CDH4: variants seen among roughly 807,000 people sequenced by gnomAD.
The protein encoded by CDH4 is cadherin-4.
A neutral mutation model predicts 86.0 loss-of-function variants in CDH4; 33 were observed. The ratio of observed to expected loss-of-function variants is 0.38; its 90% CI spans 0.29 to 0.51. The LOEUF (loss-of-function observed/expected upper bound fraction) is 0.51. CDH4 is among the 20% of genes least tolerant of loss of function. CDH4 has a pLI of 0.86. For missense variants in CDH4, 1,114 were observed against 1,307.4 expected (o/e 0.85, Z 2.28); for synonymous variants, 555 against 549.4 (o/e 1.01, Z -0.14).
chr20:61,702,867 G>T (rs1201652848), intron 2 of CDH4, among the ~76,000 whole-genome samples: 1 of 152,174 alleles, frequency 6.6e-6, no homozygotes, highest in Non-Finnish European at 1.5e-5. Flanking sequence ...ATCTACATCT[G>T]TCACCTTCCT....
chr20:61,646,161 A>G (rs1427981852), intron 2 of CDH4, among the ~76,000 whole-genome samples: 1 of 152,044 alleles, frequency 6.6e-6, no homozygotes, highest in African/African-American at 2.4e-5. Context: ...ATGCAGTGTG[A>G]TTCCCGCGGT....
intron 2 of CDH4, among the ~76,000 whole-genome samples, chr20:61,345,666 G>A (rs927313825): frequency 6.6e-6 from 1 of 152,192 alleles, no homozygotes; most frequent in Admixed American, 6.5e-5. Flanking sequence ...AACGAGGAGG[G>A]GAACAGGGGA....
At chr20:61,618,984 A>C (rs1264250277) in intron 2 of CDH4, among the ~76,000 whole-genome samples, 1 of 152,180 alleles carries the variant, frequency 6.6e-6, no homozygotes, top group Non-Finnish European at 1.5e-5. Context: ...GGAGATCTGA[A>C]GTTGGCAGCA....
chr20:61,924,319 T>G lies in CDH4; in HGVS notation c.1629-15T>G, dbSNP rs762952520. ...CCCCCAGCCTTACCTCCCCCTGCAC[T>G]TGTGGTCTCCGCAGATACTCAAAGC... is the stretch of plus-strand genomic sequence containing the variant. On this transcript the variant is annotated splice_polypyrimidine_tract_variant and intron_variant, in intron 10 of 15. Coordinates refer to ENST00000614565, the MANE Select transcript of CDH4 (RefSeq NM_001794.5). 9.8e-6 allele frequency: 12 copies of G among 1,226,500 alleles called. No homozygotes were observed. The Admixed American group carries it at 1.6e-4, about 16-fold the overall frequency. The allele number at this position is 1,226,500 out of a possible 1,614,324, so 76.0% of individuals were successfully genotyped here.
At chr20:61,725,133 A>T (rs965323029) in intron 2 of CDH4, among the ~76,000 whole-genome samples, 1 of 152,186 alleles carries the variant, frequency 6.6e-6, no homozygotes, top group Non-Finnish European at 1.5e-5. Flanking sequence ...AAGTAAATTT[A>T]AAAAGGTGGA....
At chr20:61,466,572 G>A (rs564604599) in intron 2 of CDH4, among the ~76,000 whole-genome samples, 45 of 152,142 alleles carry the variant, frequency 3.0e-4, no homozygotes, top group Non-Finnish European at 4.7e-4. Flanking sequence ...GGCTGGGCAC[G>A]GTGGTTCATG....
intron 2 of CDH4, among the ~76,000 whole-genome samples, chr20:61,462,755 C>T (rs1353978428): frequency 1.3e-5 from 2 of 152,182 alleles, no homozygotes; most frequent in African/African-American, 2.4e-5. Context: ...GAATAGATCT[C>T]GTCTTTGCTG....
At chr20:61,593,676 T>G (rs1049599929) in intron 2 of CDH4, among the ~76,000 whole-genome samples, 1 of 152,170 alleles carries the variant, frequency 6.6e-6, no homozygotes, top group Non-Finnish European at 1.5e-5. Flanking sequence ...TTTCACCAGT[T>G]ATGGTTGTTT....
chr20:61,617,739 A>G (rs932712137), intron 2 of CDH4, among the ~76,000 whole-genome samples: 1 of 152,170 alleles, frequency 6.6e-6, no homozygotes, highest in Non-Finnish European at 1.5e-5. Context: ...AGAGAGGGAT[A>G]CCTGTGAAAC....
intron 2 of CDH4, among the ~76,000 whole-genome samples, chr20:61,334,777 C>T (rs1039700958): frequency 6.6e-6 from 1 of 152,232 alleles, no homozygotes; most frequent in Non-Finnish European, 1.5e-5. Flanking sequence ...GGTGGAAGCT[C>T]ATGTCCTTTG....
Position 61,873,785 on chromosome 20 carries a change from G to A in CDH4, c.935G>A (p.Gly312Glu). Residue 312 changes from glycine (G) to glutamate (E), a missense_variant, in exon 7 of 16, where the codon GGG becomes GAG. Gly to Glu is a moderately conservative substitution (Grantham distance 98, BLOSUM62 -2). Around this residue, in one of 3 missense-constraint regions of CDH4, gnomAD observed 705 missense variants for 914.1 expected, o/e 0.77. Coordinates refer to ENST00000614565, the MANE Select transcript of CDH4 (RefSeq NM_001794.5). The stretch of plus-strand genomic sequence containing the variant: ...GCTGACGACAGCACCACGGCCAACG[G>A]GATGGTGCGGTACCGGATCGTGACC... Reference protein sequence around the residue: ...NDADDSTTANGMVRYRIVTQT... With the variant: ...NDADDSTTANEMVRYRIVTQT... The A allele has an allele frequency of 1.2e-6, 2 of 1,614,046 alleles. No homozygotes were observed. The highest frequency in any genetic ancestry group is 1.7e-6 in the Non-Finnish European group (2 of 1,180,028).
intron 2 of CDH4, among the ~76,000 whole-genome samples, chr20:61,343,982 G>C (rs537222008): frequency 3.4e-4 from 52 of 152,208 alleles, no homozygotes; most frequent in African/African-American, 1.2e-3. Context: ...TGGATTTAAA[G>C]GATTGTACCT....
At chr20:61,514,524 C>T (rs906012949) in intron 2 of CDH4, among the ~76,000 whole-genome samples, 8 of 151,924 alleles carry the variant, frequency 5.3e-5, no homozygotes, top group Admixed American at 2.0e-4. Flanking sequence ...TCATGTTACT[C>T]ATTTACTTCT....
intron 2 of CDH4, among the ~76,000 whole-genome samples, chr20:61,330,781 A>G (rs1252661292): frequency 6.6e-6 from 1 of 152,194 alleles, no homozygotes; most frequent in Non-Finnish European, 1.5e-5. Context: ...TCAAAGTTGC[A>G]CGGCTCTTTG....
chr20:61,802,994 G>A (rs1273194280), intron 4 of CDH4, among the ~76,000 whole-genome samples: 1 of 152,228 alleles, frequency 6.6e-6, no homozygotes, highest in Non-Finnish European at 1.5e-5. Context: ...CAGAGGAGGC[G>A]GCGTGTCTAC....
chr20:61,927,902 G>A (rs376448915), intron 11 of CDH4, among the ~76,000 whole-genome samples: 46 of 151,880 alleles, frequency 3.0e-4, no homozygotes, highest in African/African-American at 1.1e-3. Context: ...GTGCAGCTGC[G>A]GGTGTGGGTG....
chr20:61,331,907 G>A (rs1436632361), intron 2 of CDH4, among the ~76,000 whole-genome samples: 6 of 152,156 alleles, frequency 3.9e-5, no homozygotes, highest in Admixed American at 2.0e-4. Context: ...TGTAAAAAGC[G>A]TGTGTTGAGG....
chr20:61,259,969 G>T (rs548787342), intron 2 of CDH4, among the ~76,000 whole-genome samples: 1 of 152,330 alleles, frequency 6.6e-6, no homozygotes, highest in South Asian at 2.1e-4. Flanking sequence ...TGAGTTTGAG[G>T]ATGGTGGAAC....
intron 2 of CDH4, among the ~76,000 whole-genome samples, chr20:61,399,703 C>T (rs914020325): frequency 6.6e-6 from 1 of 152,240 alleles, no homozygotes; most frequent in Non-Finnish European, 1.5e-5. Context: ...ACCCACGAAG[C>T]ACTTGGCCTC....
Sources: gnomAD v4.1 joint callset for allele counts (sites outside exome capture counted in the v4.1 genomes callset) on GRCh38, gnomAD v4.1.1 for gene constraint, gnomAD v4.1.1 regional missense constraint, MANE v1.5 for transcripts, NCBI Gene and HGNC (gene_info 2026-07-23, HGNC 2026-07-21) for gene names.